Variants in DGKB observed in about 807,000 individuals in gnomAD.
The protein encoded by DGKB is 90 kDa diacylglycerol kinase.
In DGKB, 67 loss-of-function variants were observed where a neutral mutation model predicts 114.3. The ratio of observed to expected loss-of-function variants is 0.59; its 90% CI spans 0.48 to 0.72. The LOEUF (loss-of-function observed/expected upper bound fraction) is 0.72, where lower values mean the gene tolerates loss of function less well. Among genes scored for constraint, DGKB ranks in the 30% least tolerant of loss-of-function variants. DGKB has a pLI of 0.00. For synonymous variants in DGKB, 398 were observed against 323.1 expected, an observed-to-expected ratio of 1.23 and a Z score of -2.49; for missense variants, 907 against 975.2, an observed-to-expected ratio of 0.93 and a Z score of 0.93.
chr7:14,795,363 G>T (rs1391804302), intron 2 of DGKB, among the ~76,000 whole-genome samples: 1 of 152,166 alleles, frequency 6.6e-6, no homozygotes, highest in Non-Finnish European at 1.5e-5. Context: ...TCCGGCATGA[G>T]AAAGTTGAAA....
At chr7:14,280,917 G>T (rs919844674) in intron 23 of DGKB, among the ~76,000 whole-genome samples, 3,826 of 150,604 alleles carry the variant, frequency 0.025, 172 homozygotes, top group African/African-American at 0.09. Context: ...TGCCAAAATA[G>T]AAAGACCATC....
chr7:14,152,225 G>C (rs914962975), intron 25 of DGKB, among the ~76,000 whole-genome samples: 2 of 151,976 alleles, frequency 1.3e-5, no homozygotes, highest in African/African-American at 4.8e-5. Flanking sequence ...GAACCAAATG[G>C]CCTTTGAGTG....
intron 23 of DGKB, among the ~76,000 whole-genome samples, chr7:14,266,635 A>T (rs1331137121): frequency 6.6e-6 from 1 of 152,166 alleles, no homozygotes; most frequent in Non-Finnish European, 1.5e-5. Flanking sequence ...AACGTACCAA[A>T]ATACACCTAC....
intron 1 of DGKB, among the ~76,000 whole-genome samples, chr7:14,888,640 A>C (rs541831845): frequency 6.6e-6 from 1 of 151,842 alleles, no homozygotes; most frequent in African/African-American, 2.4e-5. Flanking sequence ...CCAATAAAAG[A>C]CTGAGCAATC....
intron 21 of DGKB, among the ~76,000 whole-genome samples, chr7:14,476,458 A>C (rs555470967): frequency 2.0e-5 from 3 of 152,240 alleles, no homozygotes; most frequent in African/African-American, 7.2e-5. Flanking sequence ...TTTGAAATGC[A>C]CCTGGAGAAA....
intron 1 of DGKB, among the ~76,000 whole-genome samples, chr7:14,936,469 T>C (rs190914814): frequency 2.2e-4 from 34 of 152,298 alleles, no homozygotes; most frequent in African/African-American, 7.5e-4. Flanking sequence ...GGAACTCATA[T>C]AGCGGCAGAC....
In DGKB at chr7:14,452,014, T is replaced by A. The variant is rs1168569844; in HGVS notation, c.1835+26147A>T. 2.6e-5 allele frequency among the ~76,000 whole-genome samples: 4 copies of A among 152,280 alleles called. No homozygotes were observed. In the East Asian group the frequency reaches 7.7e-4, roughly 29 times the overall value. On this transcript the variant is annotated intron_variant, in intron 21 of 25. Transcript: ENST00000402815. ...CCATCAAGAGAATTTTTGACTCTTTTCTGAAGTCATTCAACAAGTTTGTTT... is the reference window on the plus strand; with the variant it reads ...CCATCAAGAGAATTTTTGACTCTTTACTGAAGTCATTCAACAAGTTTGTTT...
chr7:14,647,626 T>C (rs1052372178), intron 13 of DGKB, among the ~76,000 whole-genome samples: 1 of 79,732 alleles, frequency 1.3e-5, no homozygotes, highest in African/African-American at 3.6e-5. Flanking sequence ...AAAAAGATAA[T>C]TCATGGGGGA....
intron 21 of DGKB, among the ~76,000 whole-genome samples, chr7:14,369,344 A>C (rs1408663343): frequency 6.6e-6 from 1 of 152,068 alleles, no homozygotes; most frequent in Non-Finnish European, 1.5e-5. Flanking sequence ...GGTTGGTTTC[A>C]AGTCTTTGCT....
chr7:14,478,154 A>T lies in DGKB; in HGVS notation c.1835+7T>A. The T allele has an allele frequency of 6.3e-7, 1 of 1,585,662 alleles. No homozygotes were observed. Among genetic ancestry groups the T allele is most frequent in the Non-Finnish European group, 8.6e-7 (1 of 1,160,324 alleles). On this transcript the variant is annotated splice_region_variant and intron_variant, in intron 21 of 25. Coordinates refer to ENST00000402815, the MANE Select transcript of DGKB (RefSeq NM_001350709.2). The stretch of plus-strand genomic sequence containing the variant: ...TATCTATAATTTCATCTCTTTTGTC[A>T]CCTTACCTACTGTTGAATTTCTCTG...
chr7:14,794,210 C>T (rs1038058342), intron 2 of DGKB, among the ~76,000 whole-genome samples: 36 of 152,164 alleles, frequency 2.4e-4, no homozygotes, highest in African/African-American at 7.9e-4. Flanking sequence ...TCTAGAGGAA[C>T]GTAATTTTAA....
intron 20 of DGKB, among the ~76,000 whole-genome samples, chr7:14,572,364 A>G (rs1798523986): frequency 6.6e-6 from 1 of 151,748 alleles, no homozygotes; most frequent in Non-Finnish European, 1.5e-5. Context: ...AGGCAGGAGA[A>G]TGTCGTGAAC....
intron 1 of DGKB, among the ~76,000 whole-genome samples, chr7:14,922,524 A>C (rs1347151384): frequency 6.6e-6 from 1 of 151,914 alleles, no homozygotes; most frequent in East Asian, 1.9e-4. Flanking sequence ...GGAGATTGAG[A>C]AAGAGAAGTT....
intron 15 of DGKB, among the ~76,000 whole-genome samples, chr7:14,616,617 A>G (rs1372178207): frequency 6.6e-6 from 1 of 151,748 alleles, no homozygotes; most frequent in Non-Finnish European, 1.5e-5. Context: ...TTTGAAGTAC[A>G]TATATTTATA....
At chr7:14,736,811 G>T (rs547765292) in intron 4 of DGKB, among the ~76,000 whole-genome samples, 1 of 152,256 alleles carries the variant, frequency 6.6e-6, no homozygotes, top group East Asian at 1.9e-4. Context: ...TAAATGATTA[G>T]ACATTTATTT....
At chr7:14,433,643 TG>T (rs1828813376) in intron 21 of DGKB, among the ~76,000 whole-genome samples, 6 of 152,148 alleles carry the variant, frequency 3.9e-5, no homozygotes, top group African/African-American at 1.2e-4. Context: ...ATACATTTTT[TG>T]TTCCCCCCTT....
chr7:14,603,521 A>G (rs995632967), intron 17 of DGKB, among the ~76,000 whole-genome samples: 4 of 152,138 alleles, frequency 2.6e-5, no homozygotes, highest in Non-Finnish European at 5.9e-5. Context: ...TAAGAAGATA[A>G]TGAAATCTGT....
intron 2 of DGKB, among the ~76,000 whole-genome samples, chr7:14,776,957 G>A (rs975058382): frequency 3.3e-5 from 5 of 152,212 alleles, no homozygotes; most frequent in Non-Finnish European, 7.3e-5. Context: ...TATTCTGCAA[G>A]CTACAGGGGT....
At chr7:14,726,330 G>C (rs1830027746) in intron 5 of DGKB, among the ~76,000 whole-genome samples, 1 of 151,886 alleles carries the variant, frequency 6.6e-6, no homozygotes, top group Admixed American at 6.6e-5. Flanking sequence ...AGTAGAGACG[G>C]GGTTTTTTTA....
Sources: allele counts gnomAD v4.1 joint callset (sites outside exome capture counted in the v4.1 genomes callset), GRCh38; gene constraint gnomAD v4.1.1; transcripts MANE v1.5; gene names NCBI Gene and HGNC (gene_info 2026-07-23, HGNC 2026-07-21).